RPP14: variants seen among roughly 807,000 people sequenced by gnomAD.
RPP14 encodes the protein ribonuclease P protein subunit p14.
In RPP14, 19 loss-of-function variants were observed where a neutral mutation model predicts 17.8. The ratio of observed to expected loss-of-function variants is 1.07; its 90% CI spans 0.74 to 1.57. The LOEUF is 1.57. RPP14 is among the 40% of genes most tolerant of loss of function. The pLI, the probability that RPP14 is intolerant of heterozygous loss-of-function variation, is 0.00. For synonymous variants in RPP14, 60 were observed against 56.4 expected (o/e 1.06, Z -0.29); for missense variants, 125 against 140.8 (o/e 0.89, Z 0.57).
intron 1 of RPP14, 70 bp from the exon 2 acceptor site, chr3:58,310,239 C>A: frequency 7.7e-7 from 1 of 1,293,494 alleles, no homozygotes. Context: ...CCAAATAGGC[C>A]AAATTCTCAT....
chr3:58,317,740 G>A lies in RPP14; in HGVS notation c.*244G>A, dbSNP rs979014960. 4.3e-6 allele frequency: 3 copies of A among 703,438 alleles called. No individual in the cohort carries two copies. The highest frequency in any genetic ancestry group is 7.8e-6 in the Non-Finnish European group (3 of 385,012). The allele number at this position is 703,438 out of a possible 1,614,324, so 43.6% of individuals were successfully genotyped here. A position where few individuals can be genotyped will look rare whatever the true frequency, so the allele number is the denominator to read the frequency against. ...GCACATCAAAGTTGGAGACCGCGCTGAACTTAGGAGGGCCTTCACACAGAC... is the reference window on the plus strand; with the variant it reads ...GCACATCAAAGTTGGAGACCGCGCTAAACTTAGGAGGGCCTTCACACAGAC... On this transcript the variant is annotated 3_prime_UTR_variant, in exon 6 of 6. Transcript: ENST00000295959.
chr3:58,316,525 C>T lies in RPP14; in HGVS notation c.173C>T (p.Ala58Val). 6.2e-7 allele frequency: 1 copy of T among 1,613,944 alleles called. No homozygotes were observed. Among genetic ancestry groups the T allele is most frequent in the Non-Finnish European group, 8.5e-7 (1 of 1,179,840 alleles). Reference sequence around the variant, plus strand: ...TTATTCCATATGCAGGTTGATGCCGCCTTACCTTTGGACATCCTAACCTAT... The same window carrying T: ...TTATTCCATATGCAGGTTGATGCCGTCTTACCTTTGGACATCCTAACCTAT... ...VKDLFGEVDA[A>V]LPLDILTYEE... Residue 58 changes from alanine (A) to valine (V), a missense_variant, in exon 4 of 6, where the codon GCC becomes GTC. Ala to Val is a moderately conservative substitution (Grantham distance 64). Transcript: ENST00000295959.
chr3:58,314,501 A>G (rs563035585), intron 3 of RPP14, among the ~76,000 whole-genome samples: 6 of 152,170 alleles, frequency 3.9e-5, no homozygotes, highest in Non-Finnish European at 8.8e-5. Context: ...AACATTAGCC[A>G]TTAGGGAAAT....
At chr3:58,308,179 T>C (rs1433136779) in intron 1 of RPP14, among the ~76,000 whole-genome samples, 1 of 152,232 alleles carries the variant, frequency 6.6e-6, no homozygotes, top group East Asian at 1.9e-4. Flanking sequence ...CAGGTAACTA[T>C]TTCCGCTGTC....
intron 3 of RPP14, among the ~76,000 whole-genome samples, 156 bp downstream of exon 3, chr3:58,310,747 T>G (rs1486648424): frequency 6.6e-6 from 1 of 152,032 alleles, no homozygotes; most frequent in African/African-American, 2.4e-5. Flanking sequence ...CTGGCCAACA[T>G]GGTGAAACCC....
intron 3 of RPP14, among the ~76,000 whole-genome samples, chr3:58,311,707 C>T (rs2097482436): frequency 6.7e-6 from 1 of 148,752 alleles, no homozygotes; most frequent in Non-Finnish European, 1.5e-5. Context: ...GTGCATATGT[C>T]CTTTTTTTTT....
chr3:58,317,919 G>A lies in RPP14; in HGVS notation c.*423G>A, dbSNP rs1402573866. 1.4e-6 allele frequency: 1 copy of A among 702,794 alleles called. No homozygotes were observed. The highest frequency in any genetic ancestry group is 1.7e-5 in the African/African-American group (1 of 57,232). 43.5% of individuals were successfully genotyped at this position (702,794 alleles called of 1,614,324 possible). On this transcript the variant is annotated 3_prime_UTR_variant, in exon 6 of 6. Coordinates refer to ENST00000295959, the MANE Select transcript of RPP14 (RefSeq NM_007042.6). ...CTCTCCTAGGAACTAAAATGCCAGG[G>A]CCAGGCTGTGTATTTCTTTCCCAGG...
intron 2 of RPP14, 41 bp downstream of exon 2, chr3:58,310,447 T>G: frequency 6.2e-7 from 1 of 1,607,474 alleles, no homozygotes; most frequent in Non-Finnish European, 8.5e-7. Context: ...ATTACTTTTC[T>G]AACATGAATC....
At chr3:58,309,399 G>A (rs2107499697) in intron 1 of RPP14, among the ~76,000 whole-genome samples, 1 of 152,336 alleles carries the variant, frequency 6.6e-6, no homozygotes, top group Non-Finnish European at 1.5e-5. Context: ...GCATTTTGAA[G>A]ACAAGCTAAG....
At chr3:58,309,576 T>C (rs781625476) in intron 1 of RPP14, among the ~76,000 whole-genome samples, 15 of 152,196 alleles carry the variant, frequency 9.9e-5, no homozygotes, top group Non-Finnish European at 1.3e-4. Context: ...TTAGATGAGT[T>C]ACTGTGCTCA....
rs2097491754 is a variant in RPP14, at chr3:58,319,167, CAATG to C, written c.*1675_*1678del. On this transcript the variant is annotated 3_prime_UTR_variant, in exon 6 of 6. Transcript: ENST00000295959. ...TCATCTTTGAACACCTACCTTTTAT[CAATG>C]AATATTTTTAGACTGTTCTTCAGTA... is the stretch of plus-strand genomic sequence containing the variant. 6.6e-6 allele frequency: 1 copy of C among 152,178 alleles called. No homozygotes were observed. Among genetic ancestry groups the C allele is most frequent in the East Asian group, 1.9e-4 (1 of 5,200 alleles). 9.4% of individuals were successfully genotyped at this position (152,178 alleles called of 1,614,324 possible).
intron 3 of RPP14, among the ~76,000 whole-genome samples, chr3:58,312,813 T>C (rs1042255224): frequency 6.6e-6 from 1 of 152,028 alleles, no homozygotes; most frequent in African/African-American, 2.4e-5. Context: ...ATACAAAAAT[T>C]AGCTGGGCAT....
At chr3:58,308,029 C>T (rs1344810486) in intron 1 of RPP14, 1 of 152,068 alleles carries the variant, frequency 6.6e-6, no homozygotes. Context: ...ATTTCACTCC[C>T]CTATTTTAGG....
chr3:58,315,523 G>A (rs933835071), intron 3 of RPP14, among the ~76,000 whole-genome samples: 1 of 152,148 alleles, frequency 6.6e-6, no homozygotes, highest in Non-Finnish European at 1.5e-5. Flanking sequence ...GGTATAAATA[G>A]GAGTAGACAT....
intron 1 of RPP14, among the ~76,000 whole-genome samples, chr3:58,307,314 A>G (rs2097476409): frequency 6.6e-6 from 1 of 152,240 alleles, no homozygotes; most frequent in Admixed American, 6.5e-5. Context: ...ATGTAGCTTG[A>G]GTAGATGTTA....
In RPP14 at chr3:58,316,448, C is replaced by A; in HGVS notation, c.163-67C>A. ...GAAAAGCTCAAAACTCATTTGTTGT[C>A]AAAAGTTGACAAGCATTCAAGAATA... On this transcript the variant is annotated intron_variant, in intron 3 of 5. Coordinates refer to ENST00000295959, the MANE Select transcript of RPP14 (RefSeq NM_007042.6). The A allele has an allele frequency of 2.1e-6, 3 of 1,430,058 alleles. No individual in the cohort carries two copies. In the South Asian group the frequency reaches 3.5e-5, roughly 17 times the overall value. 88.6% of individuals were successfully genotyped at this position (1,430,058 alleles called of 1,614,324 possible).
In RPP14 at chr3:58,310,482, CTT is replaced by C. The variant is rs59232688; in HGVS notation, c.78-14_78-13del. ...CTGAATAGAATGAAATTTAATATGA[CTT>C]TTTTTTTTTTCACTTTTTTTAGAGA... On this transcript the variant is annotated intron_variant, in intron 2 of 5. Coordinates refer to ENST00000295959, the MANE Select transcript of RPP14 (RefSeq NM_007042.6). The C allele has an allele frequency of 1.5e-3, 2,015 of 1,351,640 alleles. 7 individuals are homozygous for C. The highest frequency in any genetic ancestry group is 0.011 in the African/African-American group (712 of 67,592). 83.7% of individuals were successfully genotyped at this position (1,351,640 alleles called of 1,614,324 possible). A position where few individuals can be genotyped will look rare whatever the true frequency, so the allele number is the denominator to read the frequency against.
chr3:58,312,869 G>A (rs2097483801), intron 3 of RPP14, among the ~76,000 whole-genome samples: 1 of 150,842 alleles, frequency 6.6e-6, no homozygotes, highest in Non-Finnish European at 1.5e-5. Context: ...ACTGAGGCAG[G>A]AGAATTGCTT....
At chr3:58,306,764 C>G (rs1487271123) in intron 1 of RPP14, 1 of 151,994 alleles carries the variant, frequency 6.6e-6, no homozygotes, top group African/African-American at 2.4e-5. Context: ...GTACGTCGCA[C>G]GCCCACTGTG....
Sources: allele counts gnomAD v4.1 joint callset (sites outside exome capture counted in the v4.1 genomes callset), GRCh38; gene constraint gnomAD v4.1.1; transcripts MANE v1.5; gene names NCBI Gene and HGNC (gene_info 2026-07-23, HGNC 2026-07-21).